METTL15: variants seen among roughly 807,000 people sequenced by gnomAD.
METTL15 encodes the protein methyltransferase 15, mitochondrial 12S rRNA N4-cytidine.
Under a neutral mutation model 38.3 loss-of-function variants are expected in METTL15, and 34 were observed. The ratio of observed to expected loss-of-function variants is 0.89; its 90% CI spans 0.68 to 1.18. METTL15 has a LOEUF of 1.18. Ranked by LOEUF, METTL15 falls within the 50% of genes most tolerant of loss-of-function variation. The pLI, the probability that METTL15 is intolerant of heterozygous loss-of-function variation, is 0.00. For synonymous variants in METTL15, 162 were observed against 170.9 expected (o/e 0.95, Z 0.41); for missense variants, 438 against 498.4 (o/e 0.88, Z 1.15).
intron 6 of METTL15, among the ~76,000 whole-genome samples, chr11:28,451,564 A>G (rs377483627): frequency 1.3e-5 from 2 of 152,080 alleles, no homozygotes; most frequent in South Asian, 2.1e-4. Flanking sequence ...CACCCTGGGC[A>G]ACAGAGTGAG....
intron 3 of METTL15, among the ~76,000 whole-genome samples, chr11:28,208,929 C>T (rs1264609169): frequency 2.0e-5 from 3 of 151,920 alleles, no homozygotes; most frequent in South Asian, 2.1e-4. Context: ...GCTCCAATCA[C>T]GTATTAACTC....
intron 4 of METTL15, among the ~76,000 whole-genome samples, chr11:28,217,098 A>G (rs1210826671): frequency 2.6e-5 from 4 of 152,134 alleles, no homozygotes; most frequent in Admixed American, 2.6e-4. Context: ...GGCTGGGTCA[A>G]ATGGTATTTC....
intron 6 of METTL15, among the ~76,000 whole-genome samples, chr11:28,504,272 G>A (rs542944619): frequency 6.6e-6 from 1 of 151,734 alleles, no homozygotes; most frequent in East Asian, 1.9e-4. Context: ...GGACCAGGCA[G>A]GTAATATAAA....
At chr11:28,137,463 A>G (rs886919983) in intron 3 of METTL15, among the ~76,000 whole-genome samples, 1 of 152,178 alleles carries the variant, frequency 6.6e-6, no homozygotes, top group Non-Finnish European at 1.5e-5. Context: ...AGCAATTTTT[A>G]ATTTTAGTGT....
At chr11:28,328,154 GAATAGCA>G (rs1313978529) in intron 6 of METTL15, 1 of 1,611,188 alleles carries the variant, frequency 6.2e-7, no homozygotes, top group Non-Finnish European at 8.5e-7. Flanking sequence ...TGGACGAATT[GAATAGCA>G]AATGGTAAGA....
At chr11:28,201,109 T>C (rs1338034595) in intron 3 of METTL15, among the ~76,000 whole-genome samples, 1 of 152,208 alleles carries the variant, frequency 6.6e-6, no homozygotes, top group African/African-American at 2.4e-5. Context: ...TTGAGAGTTT[T>C]TAACATGAAG....
intron 5 of METTL15, among the ~76,000 whole-genome samples, chr11:28,422,634 G>T (rs2133422328): frequency 6.6e-6 from 1 of 152,130 alleles, no homozygotes; most frequent in African/African-American, 2.4e-5. Flanking sequence ...GTGAAAACTG[G>T]ATATTTATAT....
At chr11:28,123,720 C>G (rs1852348700) in intron 3 of METTL15, 2 of 477,468 alleles carry the variant, frequency 4.2e-6, no homozygotes, top group South Asian at 1.1e-4. Context: ...GTCATTTTAT[C>G]AAATTACATG....
chr11:28,396,221 G>A (rs371124856), intron 5 of METTL15, among the ~76,000 whole-genome samples: 41 of 152,142 alleles, frequency 2.7e-4, no homozygotes, highest in South Asian at 6.2e-4. Context: ...CCTATTCAAC[G>A]TAGTGTTGGA....
At chr11:28,162,915 C>T (rs938067714) in intron 3 of METTL15, among the ~76,000 whole-genome samples, 1 of 151,844 alleles carries the variant, frequency 6.6e-6, no homozygotes, top group Non-Finnish European at 1.5e-5. Flanking sequence ...TAAGTCAAAC[C>T]ATCATAAATT....
At chr11:28,233,266 A>G (rs1853768231) in intron 4 of METTL15, among the ~76,000 whole-genome samples, 1 of 152,120 alleles carries the variant, frequency 6.6e-6, no homozygotes, top group Admixed American at 6.6e-5. Flanking sequence ...AATAATTAAA[A>G]GAAGACTAAA....
intron 3 of METTL15, among the ~76,000 whole-genome samples, chr11:28,138,116 A>T (rs1179927333): frequency 6.7e-6 from 1 of 148,750 alleles, no homozygotes; most frequent in Non-Finnish European, 1.5e-5. Flanking sequence ...AAAACAAGGG[A>T]TTTTTTTTTT....
At chr11:28,235,791 C>G (rs1853931071) in intron 4 of METTL15, among the ~76,000 whole-genome samples, 1 of 152,120 alleles carries the variant, frequency 6.6e-6, no homozygotes, top group South Asian at 2.1e-4. Context: ...AATTGAATAC[C>G]CTTTATTTCC....
At chr11:28,467,576 C>T (rs1851267618) in intron 6 of METTL15, among the ~76,000 whole-genome samples, 1 of 152,176 alleles carries the variant, frequency 6.6e-6, no homozygotes, top group Non-Finnish European at 1.5e-5. Flanking sequence ...CTCTCTCCTA[C>T]AGAAACCACA....
At chr11:28,522,211 T>C (rs879880812) in intron 6 of METTL15, among the ~76,000 whole-genome samples, 1 of 152,178 alleles carries the variant, frequency 6.6e-6, no homozygotes, top group Admixed American at 6.5e-5. Context: ...CTAAAATTGA[T>C]ATGTGTATAT....
intron 4 of METTL15, among the ~76,000 whole-genome samples, chr11:28,237,323 A>G (rs1257933026): frequency 6.6e-6 from 1 of 151,434 alleles, no homozygotes; most frequent in Non-Finnish European, 1.5e-5. Flanking sequence ...TTTTCTCTAA[A>G]CTTCCCTTCT....
chr11:28,116,483 C>G (rs1436157600), intron 3 of METTL15, among the ~76,000 whole-genome samples: 1 of 152,204 alleles, frequency 6.6e-6, no homozygotes, highest in African/African-American at 2.4e-5. Context: ...GATTCTGGAA[C>G]TGGACTGCCT....
At chr11:28,177,477 A>C (rs1851119501) in intron 3 of METTL15, among the ~76,000 whole-genome samples, 1 of 152,010 alleles carries the variant, frequency 6.6e-6, no homozygotes, top group Non-Finnish European at 1.5e-5. Context: ...TCCAAGTAAA[A>C]TGTTTTCTAT....
At chr11:28,350,830 A>G (rs372104950) in intron 3 of METTL15, among the ~76,000 whole-genome samples, 3 of 152,232 alleles carry the variant, frequency 2.0e-5, no homozygotes, top group African/African-American at 7.2e-5. Flanking sequence ...TTACATGTAA[A>G]CATTTGAATT....
Sources: gnomAD v4.1 joint callset for allele counts (sites outside exome capture counted in the v4.1 genomes callset) on GRCh38, gnomAD v4.1.1 for gene constraint, MANE v1.5 for transcripts, NCBI Gene and HGNC (gene_info 2026-07-23, HGNC 2026-07-21) for gene names.